ANK2: variants seen among roughly 807,000 people sequenced by gnomAD.
ANK2 encodes the protein ankyrin-2.
In ANK2, 83 loss-of-function variants were observed where a neutral mutation model predicts 360.5. That is an observed-to-expected ratio of 0.23 (90% CI 0.19 to 0.28). The LOEUF (loss-of-function observed/expected upper bound fraction) is 0.28. Among genes scored for constraint, ANK2 ranks in the 10% least tolerant of loss-of-function variants. The pLI, the probability that ANK2 is intolerant of heterozygous loss-of-function variation, is 1.00. For missense variants in ANK2, 4,201 were observed against 4,795.7 expected, an observed-to-expected ratio of 0.88 and a Z score of 3.66; for synonymous variants, 1,740 against 1,759.5, an observed-to-expected ratio of 0.99 and a Z score of 0.28.
intron 2 of ANK2, among the ~76,000 whole-genome samples, chr4:113,018,763 AG>A (rs2057314310): frequency 1.3e-5 from 2 of 152,230 alleles, no homozygotes; most frequent in Non-Finnish European, 2.9e-5. Context: ...ATCTTCTTGA[AG>A]GGCTAATTTG....
intron 2 of ANK2, among the ~76,000 whole-genome samples, chr4:113,011,269 A>G (rs1207501731): frequency 6.6e-6 from 1 of 152,104 alleles, no homozygotes; most frequent in Non-Finnish European, 1.5e-5. Flanking sequence ...TTCTAGACAT[A>G]TATTTGTGGA....
At position 113,354,212 on chromosome 4, in the gene ANK2, G is replaced by C. The variant is rs1192411515; in HGVS notation, c.5594G>C (p.Arg1865Thr). ...GTGTCACCCTCTGCAAAAACGGAAA[G>C]ACATTCACCTGCGTCATCATCGAGT... ...SPVSPSAKTE[R>T]HSPASSSSKT... The change falls in exon 38 of 46, where the codon AGA (arginine) becomes ACA (threonine). Residue 1865 changes from arginine (R) to threonine (T), a missense_variant. This residue lies in a region of ANK2 where 2,642 missense variants were observed against 2,714.5 expected (regional missense o/e 0.97). Transcript: ENST00000357077. The C allele has an allele frequency of 6.2e-7, 1 of 1,613,860 alleles. No individual in the cohort carries two copies. Among genetic ancestry groups the C allele is most frequent in the Admixed American group, 1.7e-5 (1 of 60,010 alleles).
Position 113,373,285 on chromosome 4 carries a change from G to T in ANK2, c.11695G>T (p.Val3899Phe), listed in dbSNP as rs878854256. The change falls in exon 45 of 46, where the codon GTT (valine) becomes TTT (phenylalanine). Residue 3899 changes from valine (V) to phenylalanine (F), a missense_variant and splice_region_variant. Around this residue, in one of 4 missense-constraint regions of ANK2, gnomAD observed 2,642 missense variants for 2,714.5 expected, o/e 0.97. Coordinates refer to ENST00000357077, the MANE Select transcript of ANK2 (RefSeq NM_001148.6). ...GATACACAAATGAAATACATTTCAG[G>T]TTACTAGGAAAATCATTAGGCGGTA... is the stretch of plus-strand genomic sequence containing the variant. Reference protein sequence around the residue: ...DEHGHTVVKKVTRKIIRRYVS... With the variant: ...DEHGHTVVKKFTRKIIRRYVS... The T allele has an allele frequency of 2.5e-6, 4 of 1,614,092 alleles. No homozygotes were observed.
intron 1 of ANK2, among the ~76,000 whole-genome samples, chr4:113,135,243 T>G (rs2096322490): frequency 6.6e-6 from 1 of 151,972 alleles, no homozygotes; most frequent in Admixed American, 6.6e-5. Flanking sequence ...CTATGAAAAA[T>G]AAAGAAAAAC....
At chr4:113,221,995 T>C (rs1303631981) in intron 4 of ANK2, among the ~76,000 whole-genome samples, 1 of 152,206 alleles carries the variant, frequency 6.6e-6, no homozygotes, top group Non-Finnish European at 1.5e-5. Context: ...AATTTTGGAA[T>C]TAGTTAAACA....
chr4:113,012,183 T>G (rs2054971944), intron 2 of ANK2, among the ~76,000 whole-genome samples: 1 of 152,164 alleles, frequency 6.6e-6, no homozygotes, highest in Non-Finnish European at 1.5e-5. Flanking sequence ...GAGAAGGTAA[T>G]TGGTTTTTAT....
intron 2 of ANK2, among the ~76,000 whole-genome samples, chr4:112,990,514 T>A (rs1364756794): frequency 6.6e-6 from 1 of 152,114 alleles, no homozygotes; most frequent in Non-Finnish European, 1.5e-5. Flanking sequence ...TCTTGGTGTA[T>A]CTGAGAGTAA....
intron 1 of ANK2, among the ~76,000 whole-genome samples, chr4:112,882,689 A>G (rs2077030972): frequency 6.7e-6 from 1 of 149,096 alleles, no homozygotes; most frequent in African/African-American, 2.5e-5. Flanking sequence ...GGTTTAATGC[A>G]TTAATAATAG....
At chr4:113,251,636 C>T (rs1286231616) in intron 10 of ANK2, among the ~76,000 whole-genome samples, 3 of 151,768 alleles carry the variant, frequency 2.0e-5, no homozygotes, top group Non-Finnish European at 4.4e-5. Context: ...GCGCCCACCA[C>T]CACGCCCAGC....
In ANK2 at chr4:113,007,624, C is replaced by T. The variant is rs532477278; in HGVS notation, c.21+103110C>T. 4.6e-5 allele frequency among the ~76,000 whole-genome samples: 7 copies of T among 152,082 alleles called. No homozygotes were observed. The South Asian group carries it at 8.3e-4, about 18-fold the overall frequency. The stretch of plus-strand genomic sequence containing the variant: ...CCACATCACATTAAATTTAAGACTT[C>T]GATTGCTAAACAGTGAATATACATA... On this transcript the variant is annotated intron_variant, in intron 2 of 30. Transcript: ENST00000503271.
chr4:112,870,815 C>T (rs2072715770), intron 1 of ANK2, among the ~76,000 whole-genome samples: 1 of 152,152 alleles, frequency 6.6e-6, no homozygotes, highest in South Asian at 2.1e-4. Context: ...ATCAGCTTGT[C>T]CATTTCAGCA....
the ANK2 span, among the ~76,000 whole-genome samples, chr4:112,780,425 G>T: frequency 6.6e-6 from 1 of 152,150 alleles, no homozygotes; most frequent in Non-Finnish European, 1.5e-5. Context: ...CAAAGACACA[G>T]TGATTATGGT....
intron 1 of ANK2, among the ~76,000 whole-genome samples, chr4:112,900,245 C>T (rs2082913119): frequency 6.6e-6 from 1 of 152,088 alleles, no homozygotes. Context: ...ACTAGTAAGA[C>T]ATTTAAAAAA....
chr4:112,892,829 T>C (rs1471290584), intron 1 of ANK2, among the ~76,000 whole-genome samples: 2 of 152,210 alleles, frequency 1.3e-5, no homozygotes, highest in Admixed American at 1.3e-4. Flanking sequence ...GATCATAGGA[T>C]ATGGGATATT....
At chr4:113,323,394 A>T (rs182234889) in intron 26 of ANK2, among the ~76,000 whole-genome samples, 111 of 152,314 alleles carry the variant, frequency 7.3e-4, no homozygotes, top group African/African-American at 2.5e-3. Context: ...AAATGTATAA[A>T]ACAAAAACCT....
At chr4:113,337,419 C>A (rs111930432) in intron 31 of ANK2, among the ~76,000 whole-genome samples, 90 of 152,256 alleles carry the variant, frequency 5.9e-4, no homozygotes, top group African/African-American at 2.0e-3. Context: ...GTAGTCTCTT[C>A]ATAACAATGC....
the ANK2 span, among the ~76,000 whole-genome samples, chr4:112,791,818 A>G: frequency 6.6e-6 from 1 of 151,524 alleles, no homozygotes; most frequent in Non-Finnish European, 1.5e-5. Flanking sequence ...AGCAGCCTAT[A>G]CTTTGTTAGA....
At chr4:112,814,699 C>T (rs2055518252), upstream of ANK2, among the ~76,000 whole-genome samples, 1 of 152,088 alleles carries the variant, frequency 6.6e-6, no homozygotes, top group Admixed American at 6.6e-5. Flanking sequence ...ATTCTGCTTG[C>T]TCTATAGAGG....
At chr4:112,711,570 A>T in the ANK2 span, among the ~76,000 whole-genome samples, 2 of 152,122 alleles carry the variant, frequency 1.3e-5, no homozygotes. Context: ...TAATCCCAGC[A>T]CTTTGGGAGG....
Sources: gnomAD v4.1 joint callset for allele counts (sites outside exome capture counted in the v4.1 genomes callset) on GRCh38, gnomAD v4.1.1 for gene constraint, gnomAD v4.1.1 regional missense constraint, MANE v1.5 for transcripts, NCBI Gene and HGNC (gene_info 2026-07-23, HGNC 2026-07-21) for gene names.